MED9: variants seen among roughly 807,000 people sequenced by gnomAD.
MED9 encodes the protein mediator of RNA polymerase II transcription subunit 9.
Under a neutral mutation model 13.2 loss-of-function variants are expected in MED9, and 8 were observed. The observed-to-expected ratio is 0.61, with a 90% CI of 0.36 to 1.10. The LOEUF (loss-of-function observed/expected upper bound fraction) is 1.10. Among genes scored for constraint, MED9 ranks in the 50% least tolerant of loss-of-function variants. The pLI is 0.02. For missense variants in MED9, 180 were observed against 193.4 expected, an observed-to-expected ratio of 0.93 and a Z score of 0.41; for synonymous variants, 87 against 82.8, an observed-to-expected ratio of 1.05 and a Z score of -0.28.
Position 17,483,926 on chromosome 17 carries a change from A to G in MED9, c.224+6661A>G, listed in dbSNP as rs1004784371. 9.5e-5 allele frequency among the ~76,000 whole-genome samples: 14 copies of G among 147,892 alleles called. No individual in the cohort carries two copies. Among genetic ancestry groups the G allele is most frequent in the Admixed American group, 1.4e-4 (2 of 14,734 alleles). ...CACTCCAGCCTGGCGACAGAGCGAG[A>G]CTCCATCTCAAAAAAAAAAAAAAGA... On this transcript the variant is annotated intron_variant, in intron 1 of 1. Transcript: ENST00000268711. This position sits in a 1 kb window ranked among gnomAD's most constrained non-coding sequence, Gnocchi z 4.2.
At chr17:17,488,951 C>G (rs1375843036) in intron 1 of MED9, among the ~76,000 whole-genome samples, 1 of 152,182 alleles carries the variant, frequency 6.6e-6, no homozygotes, top group Non-Finnish European at 1.5e-5. Context: ...TTCATTCCTT[C>G]TATAGTTGGC....
chr17:17,491,267 C>T lies in MED9; in HGVS notation c.225-12C>T. 6.2e-7 allele frequency: 1 copy of T among 1,608,278 alleles called. No individual in the cohort carries two copies. The highest frequency in any genetic ancestry group is 1.3e-5 in the African/African-American group (1 of 74,932). On this transcript the variant is annotated splice_polypyrimidine_tract_variant and intron_variant, in intron 1 of 1. Transcript: ENST00000268711. The stretch of plus-strand genomic sequence containing the variant: ...CAAGCTGTGAATGCTAACAGCTGTT[C>T]TTCCCCCACAGCATGGACAAGGACA...
intron 1 of MED9, among the ~76,000 whole-genome samples, chr17:17,489,323 T>C (rs1219453754): frequency 6.6e-6 from 1 of 152,230 alleles, no homozygotes; most frequent in Non-Finnish European, 1.5e-5. Context: ...TTTTCAGAGA[T>C]GAGCATCTTA....
At chr17:17,480,183 G>C (rs1443440442) in intron 1 of MED9, among the ~76,000 whole-genome samples, 1 of 152,040 alleles carries the variant, frequency 6.6e-6, no homozygotes, top group Non-Finnish European at 1.5e-5. Flanking sequence ...ACACTGCAGG[G>C]GTAGGTAGGG....
chr17:17,489,117 C>T (rs1905187966), intron 1 of MED9, among the ~76,000 whole-genome samples: 1 of 152,210 alleles, frequency 6.6e-6, no homozygotes, highest in Non-Finnish European at 1.5e-5. Flanking sequence ...TCTCTTCACT[C>T]CAGGAGTTCC....
At chr17:17,482,744 A>G (rs1905053151) in intron 1 of MED9, among the ~76,000 whole-genome samples, 3 of 152,104 alleles carry the variant, frequency 2.0e-5, no homozygotes, top group Admixed American at 6.5e-5. Flanking sequence ...TCATGGTTCC[A>G]TTTTTTACTT....
At chr17:17,479,057 A>G (rs1904980453) in intron 1 of MED9, among the ~76,000 whole-genome samples, 1 of 152,184 alleles carries the variant, frequency 6.6e-6, no homozygotes, top group Non-Finnish European at 1.5e-5. Context: ...CAAAATGTAC[A>G]CATTCACAAG....
chr17:17,485,192 A>G, intron 1 of MED9: 1 of 372,992 alleles, frequency 2.7e-6, no homozygotes, highest in Non-Finnish European at 4.7e-6. Flanking sequence ...AAACAAAACA[A>G]AAAAAAATTG....
In MED9 at chr17:17,491,626, C is replaced by A; in HGVS notation, c.*131C>A. 4.5e-6 allele frequency: 4 copies of A among 892,580 alleles called. No individual in the cohort carries two copies. Among genetic ancestry groups the A allele is most frequent in the South Asian group, 1.6e-5 (1 of 63,652 alleles). 55.3% of individuals were successfully genotyped at this position (892,580 alleles called of 1,614,324 possible). ...TCGTCAAGCTGCAGGGGCGGGGCTC[C>A]TGTGCTGCTGCGCGCGCTTCGCCTG... On this transcript the variant is annotated 3_prime_UTR_variant, in exon 2 of 2. Coordinates refer to ENST00000268711, the MANE Select transcript of MED9 (RefSeq NM_018019.3).
chr17:17,489,944 T>C (rs1405753216), intron 1 of MED9, among the ~76,000 whole-genome samples: 1 of 152,220 alleles, frequency 6.6e-6, no homozygotes. Flanking sequence ...AAATGATGAA[T>C]AGTAAACATG....
chr17:17,486,931 C>G (rs1026944609), intron 1 of MED9: 2 of 152,376 alleles, frequency 1.3e-5, no homozygotes, highest in African/African-American at 4.8e-5. Flanking sequence ...CACTCTGTAT[C>G]TAGCTGCTCT....
Position 17,477,509 on chromosome 17 carries a change from A to G in MED9, c.224+244A>G, listed in dbSNP as rs1904945199. 7.9e-6 allele frequency: 4 copies of G among 506,278 alleles called. No homozygotes were observed. In the South Asian group the frequency reaches 9.1e-5, roughly 12 times the overall value. The allele number at this position is 506,278 out of a possible 1,614,324, so 31.4% of individuals were successfully genotyped here. A position where few individuals can be genotyped will look rare whatever the true frequency, so the allele number is the denominator to read the frequency against. ...TGAAGCCAGCTTAGAGACTAAATGC[A>G]GACTCTTGTCCAGCGGCTCAAATGT... On this transcript the variant is annotated intron_variant, in intron 1 of 1. Coordinates refer to ENST00000268711, the MANE Select transcript of MED9 (RefSeq NM_018019.3).
At chr17:17,487,348 C>CA (rs1384870223) in intron 1 of MED9, 1 of 153,326 alleles carries the variant, frequency 6.5e-6, no homozygotes, top group East Asian at 1.9e-4. Context: ...TTTGTTCTTT[C>CA]ACTCTTTGCA....
intron 1 of MED9, among the ~76,000 whole-genome samples, chr17:17,478,414 C>CT (rs1172532233): frequency 1.3e-5 from 2 of 152,228 alleles, no homozygotes; most frequent in Non-Finnish European, 2.9e-5. Context: ...AAGGTCTTGA[C>CT]TGTTAGTGGC....
chr17:17,490,535 CTG>C (rs1395711994), intron 1 of MED9, among the ~76,000 whole-genome samples: 1 of 152,196 alleles, frequency 6.6e-6, no homozygotes, highest in African/African-American at 2.4e-5. Context: ...AGTAGGACCT[CTG>C]TGCAGCTAAT....
At chr17:17,490,369 G>A (rs555608138) in intron 1 of MED9, among the ~76,000 whole-genome samples, 11 of 152,346 alleles carry the variant, frequency 7.2e-5, no homozygotes, top group African/African-American at 2.4e-4. Flanking sequence ...CGGGACCCGG[G>A]AGGTGGAGGT....
chr17:17,489,420 C>T (rs1905191840), intron 1 of MED9, among the ~76,000 whole-genome samples: 1 of 152,206 alleles, frequency 6.6e-6, no homozygotes, highest in Non-Finnish European at 1.5e-5. Context: ...CTGTCATCCA[C>T]ATTTCTATTT....
chr17:17,482,131 AGGACACC>A (rs1465663587), intron 1 of MED9, among the ~76,000 whole-genome samples: 1 of 152,180 alleles, frequency 6.6e-6, no homozygotes, highest in Non-Finnish European at 1.5e-5. Context: ...TTCTTGCTCA[AGGACACC>A]GTCATTGTTT....
In MED9 at chr17:17,491,682, C is replaced by A. The variant is rs761258024; in HGVS notation, c.*187C>A. On this transcript the variant is annotated 3_prime_UTR_variant, in exon 2 of 2. Coordinates refer to ENST00000268711, the MANE Select transcript of MED9 (RefSeq NM_018019.3). ...GAGCCAGCGCAGAGCTTGGCTGCGC[C>A]GGGGGTTCCTCGTGTAGATCCATAT... The A allele has an allele frequency of 6.6e-6, 4 of 609,896 alleles. No individual in the cohort carries two copies. The highest frequency in any genetic ancestry group is 1.2e-5 in the Non-Finnish European group (4 of 347,070). 37.8% of individuals were successfully genotyped at this position (609,896 alleles called of 1,614,324 possible).
Sources: allele counts gnomAD v4.1 joint callset (sites outside exome capture counted in the v4.1 genomes callset), GRCh38; gene constraint gnomAD v4.1.1; non-coding constraint Gnocchi (gnomAD v3.1); transcripts MANE v1.5; gene names NCBI Gene and HGNC (gene_info 2026-07-23, HGNC 2026-07-21).